The following ELP3 variants were observed in gnomAD, a reference collection of about 807,000 sequenced individuals.
ELP3 encodes elongator complex protein 3.
A neutral mutation model predicts 74.9 loss-of-function variants in ELP3; 56 were observed. The ratio of observed to expected loss-of-function variants is 0.75; its 90% CI spans 0.60 to 0.93. The LOEUF (loss-of-function observed/expected upper bound fraction) is 0.93, where lower values mean the gene tolerates loss of function less well. ELP3 is among the 40% of genes least tolerant of loss of function. ELP3 has a pLI of 0.00. For missense variants in ELP3, 573 were observed against 686.5 expected (o/e 0.83, Z 1.85); for synonymous variants, 222 against 239.8 (o/e 0.93, Z 0.68).
Position 28,113,007 on chromosome 8 carries a change from T to C in ELP3, c.463-12T>C, listed in dbSNP as rs1340495810. 1 of 1,611,366 alleles carries C rather than the reference T, an allele frequency of 6.2e-7. No individual in the cohort carries two copies. The highest frequency in any genetic ancestry group is 8.5e-7 in the Non-Finnish European group (1 of 1,178,864). On this transcript the variant is annotated splice_polypyrimidine_tract_variant and intron_variant, in intron 6 of 14. Transcript: ENST00000256398. ...CTTATATCATTCTAATGCTGATGAA[T>C]TTGTCTTTCAGTTAAAACAACTTGG...
At chr8:28,183,117 A>G (rs1441352206) in intron 14 of ELP3, 1 of 456,024 alleles carries the variant, frequency 2.2e-6, no homozygotes, top group African/African-American at 2.0e-5. Context: ...AAGTGTGTGC[A>G]GTGGAAGTCA....
At chr8:28,112,204 G>A (rs1181878090) in intron 6 of ELP3, among the ~76,000 whole-genome samples, 1 of 151,864 alleles carries the variant, frequency 6.6e-6, no homozygotes, top group African/African-American at 2.4e-5. Flanking sequence ...GAGTGCAGTG[G>A]CACAATCTTG....
intron 8 of ELP3, 144 bp downstream of exon 8, chr8:28,129,807 C>T: frequency 3.2e-6 from 3 of 949,826 alleles, no homozygotes; most frequent in Non-Finnish European, 4.7e-6. Context: ...TTTCTTCTGT[C>T]TGTGTTCTTA....
rs185393822 is a variant in ELP3, at chr8:28,137,770, G to A, written c.979G>A (p.Gly327Arg). The A allele has an allele frequency of 8.1e-6, 13 of 1,614,002 alleles. No individual in the cohort carries two copies. Among genetic ancestry groups the A allele is most frequent in the African/African-American group, 4.0e-5 (3 of 75,012 alleles). Reference sequence around the variant, plus strand: ...TCCTACCCTGGTGATTCGTGGGACCGGGCTTTATGAGCTTTGGAAATCAGG... The same window carrying A: ...TCCTACCCTGGTGATTCGTGGGACCAGGCTTTATGAGCTTTGGAAATCAGG... ...LYPTLVIRGT[G>R]LYELWKSGRY... is the part of the protein sequence containing the mutation. Residue 327 changes from glycine to arginine, a missense_variant, in exon 10 of 15, where the codon GGG becomes AGG. Transcript: ENST00000256398.
intron 3 of ELP3, among the ~76,000 whole-genome samples, chr8:28,101,512 T>C (rs189844619): frequency 2.6e-5 from 4 of 152,286 alleles, no homozygotes; most frequent in Non-Finnish European, 5.9e-5. Flanking sequence ...TTTTAACTCT[T>C]AGCCAATTTC....
chr8:28,117,994 C>G (rs1212073721), intron 7 of ELP3, among the ~76,000 whole-genome samples: 1 of 152,186 alleles, frequency 6.6e-6, no homozygotes, highest in East Asian at 1.9e-4. Context: ...TTGCCCTTCT[C>G]TCTCATCCTG....
intron 3 of ELP3, among the ~76,000 whole-genome samples, chr8:28,103,351 T>C (rs1811567128): frequency 6.6e-6 from 1 of 152,236 alleles, no homozygotes. Context: ...GCAATATGCA[T>C]TGAAGTCTGC....
At chr8:28,129,132 A>C (rs988712309) in intron 7 of ELP3, among the ~76,000 whole-genome samples, 3 of 152,216 alleles carry the variant, frequency 2.0e-5, no homozygotes, top group Non-Finnish European at 4.4e-5. Context: ...AGGAATTGAA[A>C]AATAGGTTTT....
At chr8:28,106,336 C>T (rs1259120434) in intron 3 of ELP3, among the ~76,000 whole-genome samples, 1 of 151,662 alleles carries the variant, frequency 6.6e-6, no homozygotes, top group Non-Finnish European at 1.5e-5. Context: ...GTCAGGAGAT[C>T]GAGACCATCC....
Position 28,106,736 on chromosome 8 carries a change from C to T in ELP3, c.282C>T (p.Cys94=), listed in dbSNP as rs772527731. The change falls in exon 4 of 15, where the codon TGC becomes TGT. Residue 94 remains cysteine, a synonymous_variant. Coordinates refer to ENST00000256398, the MANE Select transcript of ELP3 (RefSeq NM_018091.6). The stretch of plus-strand genomic sequence containing the variant: ...AGATTGCTGTCGTGGCTGTGATGTG[C>T]AAACCCCACAGATGTCCACACATCA... ...ASGIAVVAVM[C]KPHRCPHISF... The T allele has an allele frequency of 1.2e-5, 19 of 1,612,590 alleles. No homozygotes were observed. The highest frequency in any genetic ancestry group is 1.6e-5 in the Non-Finnish European group (19 of 1,179,654).
At position 28,147,220 on chromosome 8, in the gene ELP3, A is replaced by G. The variant is rs749330901; in HGVS notation, c.1101-8722A>G. Among the ~76,000 whole-genome samples the G allele has an allele frequency of 1.1e-3, 164 of 152,286 alleles. 1 individual carries two copies. The highest frequency in any genetic ancestry group is 1.9e-3 in the Admixed American group (29 of 15,290). ...TGAAATTTTAATGTCTTTTGAAAGT[A>G]CCAGTTTGTTATTAAAAATATTTGT... is the stretch of plus-strand genomic sequence containing the variant. On this transcript the variant is annotated intron_variant, in intron 10 of 14. Transcript: ENST00000256398. The surrounding 1 kb of genome is among the most constrained non-coding windows in gnomAD (Gnocchi z 4.5).
chr8:28,159,173 T>C (rs1177966875), intron 12 of ELP3, among the ~76,000 whole-genome samples: 2 of 152,206 alleles, frequency 1.3e-5, no homozygotes, highest in Non-Finnish European at 2.9e-5. Context: ...GCATTCATGG[T>C]ATGTAATGAA....
chr8:28,178,786 G>A (rs75005768), intron 14 of ELP3, among the ~76,000 whole-genome samples: 6 of 152,334 alleles, frequency 3.9e-5, no homozygotes, highest in Non-Finnish European at 7.3e-5. Flanking sequence ...AGTTTTAGTT[G>A]TTCCATTCTG....
At chr8:28,096,572 G>A (rs1006209035) in intron 1 of ELP3, among the ~76,000 whole-genome samples, 27 of 152,334 alleles carry the variant, frequency 1.8e-4, no homozygotes, top group Admixed American at 5.2e-4. Flanking sequence ...TCCTTGAACT[G>A]TGCTTGAGTG....
intron 10 of ELP3, among the ~76,000 whole-genome samples, chr8:28,146,536 A>G (rs962087912): frequency 2.0e-5 from 3 of 152,224 alleles, no homozygotes; most frequent in Non-Finnish European, 4.4e-5. Context: ...GTGGAACTAG[A>G]TTGAATCAAA....
intron 7 of ELP3, among the ~76,000 whole-genome samples, chr8:28,128,187 A>G (rs1812653635): frequency 6.6e-6 from 1 of 152,048 alleles, no homozygotes; most frequent in Non-Finnish European, 1.5e-5. Flanking sequence ...GAATTGAGAG[A>G]TGTTGGCCGG....
intron 7 of ELP3, chr8:28,119,014 G>A (rs527314000): frequency 6.6e-6 from 1 of 152,286 alleles, no homozygotes; most frequent in South Asian, 2.1e-4. Context: ...CAGCTGCAAC[G>A]GAAGCAAAAG....
chr8:28,145,799 CT>C (rs1177622156), intron 10 of ELP3, among the ~76,000 whole-genome samples: 1 of 152,006 alleles, frequency 6.6e-6, no homozygotes, highest in East Asian at 1.9e-4. Flanking sequence ...AATTTTTATA[CT>C]TTTAGTAGAG....
chr8:28,140,944 G>A (rs1039320405), intron 10 of ELP3, among the ~76,000 whole-genome samples: 1 of 152,188 alleles, frequency 6.6e-6, no homozygotes, highest in Non-Finnish European at 1.5e-5. Flanking sequence ...ACAAGGTTAT[G>A]TATTAAACAG....
Sources: gnomAD v4.1 joint callset for allele counts (sites outside exome capture counted in the v4.1 genomes callset) on GRCh38, gnomAD v4.1.1 for gene constraint, Gnocchi (gnomAD v3.1) non-coding constraint, MANE v1.5 for transcripts, NCBI Gene and HGNC (gene_info 2026-07-23, HGNC 2026-07-21) for gene names.